SLC24A3: variants seen among roughly 807,000 people sequenced by gnomAD.
SLC24A3 encodes the protein solute carrier family 24 member 3.
Under a neutral mutation model 75.8 loss-of-function variants are expected in SLC24A3, and 28 were observed. The ratio of observed to expected loss-of-function variants is 0.37; its 90% CI spans 0.27 to 0.51. The LOEUF is 0.51. SLC24A3 is among the 20% of genes least tolerant of loss of function. The pLI is 0.94. For synonymous variants in SLC24A3, 372 were observed against 334.1 expected (o/e 1.11, Z -1.24); for missense variants, 663 against 847.8 (o/e 0.78, Z 2.71).
intron 12 of SLC24A3, among the ~76,000 whole-genome samples, chr20:19,688,778 A>G (rs1183485812): frequency 6.6e-6 from 1 of 152,232 alleles, no homozygotes. Flanking sequence ...ATTATTTAGG[A>G]GTATGTGAAT....
chr20:19,342,359 A>G (rs1374912918), intron 2 of SLC24A3, among the ~76,000 whole-genome samples: 3 of 152,348 alleles, frequency 2.0e-5, no homozygotes, highest in South Asian at 2.1e-4. Context: ...GAACAGAACC[A>G]TGGGACCTAT....
intron 1 of SLC24A3, among the ~76,000 whole-genome samples, chr20:19,226,354 A>C (rs1387645982): frequency 6.6e-6 from 1 of 152,162 alleles, no homozygotes; most frequent in Non-Finnish European, 1.5e-5. Flanking sequence ...CTAGGATCAC[A>C]CAAGATACGG....
chr20:19,233,340 A>G (rs562547651), intron 1 of SLC24A3, among the ~76,000 whole-genome samples: 7 of 152,332 alleles, frequency 4.6e-5, no homozygotes, highest in Admixed American at 2.6e-4. Context: ...GATGGCAAGA[A>G]CATCACCCTT....
chr20:19,495,246 G>A (rs1988267003), intron 2 of SLC24A3, among the ~76,000 whole-genome samples: 1 of 152,134 alleles, frequency 6.6e-6, no homozygotes. Context: ...TTTCTGAGCG[G>A]GCACCAACAG....
intron 3 of SLC24A3, among the ~76,000 whole-genome samples, chr20:19,567,255 A>G (rs1375423594): frequency 1.3e-5 from 2 of 152,254 alleles, no homozygotes; most frequent in Admixed American, 1.3e-4. Flanking sequence ...CACAAAAGCA[A>G]AGACATGGAA....
At chr20:19,636,531 G>C (rs544057058) in intron 6 of SLC24A3, among the ~76,000 whole-genome samples, 1 of 152,296 alleles carries the variant, frequency 6.6e-6, no homozygotes, top group East Asian at 1.9e-4. Context: ...CTAACCAGGA[G>C]CCAAGCACAC....
chr20:19,301,781 CA>C (rs1259627008), intron 2 of SLC24A3, among the ~76,000 whole-genome samples: 2 of 152,232 alleles, frequency 1.3e-5, no homozygotes, highest in African/African-American at 4.8e-5. Context: ...CCTTCTGGGC[CA>C]AATGCTTATC....
chr20:19,225,439 C>T (rs1347656523), intron 1 of SLC24A3, among the ~76,000 whole-genome samples: 1 of 152,098 alleles, frequency 6.6e-6, no homozygotes, highest in East Asian at 1.9e-4. Flanking sequence ...CGGTATTTTC[C>T]AAGCATTGTG....
In SLC24A3 at chr20:19,698,743, C is replaced by G. The variant is rs139673987; in HGVS notation, c.1719+63C>G. 34 of 1,268,824 alleles carry G rather than the reference C, an allele frequency of 2.7e-5. 1 individual carries two copies. Among genetic ancestry groups the G allele is most frequent in the African/African-American group, 1.9e-4 (13 of 67,620 alleles). The allele number at this position is 1,268,824 out of a possible 1,614,324, so 78.6% of individuals were successfully genotyped here. Reference sequence around the variant, plus strand: ...GGCTACGTGACTGTGTTTTAACAGCCTTGGCCACAGGGTCTTTGTCTCGGG... The same window carrying G: ...GGCTACGTGACTGTGTTTTAACAGCGTTGGCCACAGGGTCTTTGTCTCGGG... On this transcript the variant is annotated intron_variant, in intron 15 of 16. Coordinates refer to ENST00000328041, the MANE Select transcript of SLC24A3 (RefSeq NM_020689.4).
Position 19,684,312 on chromosome 20 carries a change from G to A in SLC24A3, c.1038G>A (p.Met346Ile). 6.2e-7 allele frequency: 1 copy of A among 1,613,944 alleles called. No homozygotes were observed. Among genetic ancestry groups the A allele is most frequent in the Non-Finnish European group, 8.5e-7 (1 of 1,179,954 alleles). ...SHFPPKTRLS[M>I]ASRMLINERQ... ...TTCCCCCCAAGACCCGGCTCTCCAT[G>A]GCCAGTCGCATGTTGATCAATGAGG... The change falls in exon 11 of 17, where the codon ATG becomes ATA. Residue 346 changes from methionine (M) to isoleucine (I), a missense_variant. Coordinates refer to ENST00000328041, the MANE Select transcript of SLC24A3 (RefSeq NM_020689.4).
chr20:19,360,224 C>G lies in SLC24A3; in HGVS notation c.271+79137C>G, dbSNP rs377262356. Among the ~76,000 whole-genome samples the G allele has an allele frequency of 3.3e-5, 5 of 152,184 alleles. No individual in the cohort carries two copies. In the East Asian group the frequency reaches 9.6e-4, roughly 29 times the overall value. On this transcript the variant is annotated intron_variant, in intron 2 of 16. Coordinates refer to ENST00000328041, the MANE Select transcript of SLC24A3 (RefSeq NM_020689.4). ...ACCATCTTATGTTTGCAGTCAGACA[C>G]GAATGAGAAGGTCTTAACATCTCAA...
chr20:19,308,674 A>C (rs1984384813), intron 2 of SLC24A3, among the ~76,000 whole-genome samples: 1 of 152,258 alleles, frequency 6.6e-6, no homozygotes, highest in South Asian at 2.1e-4. Context: ...GTCATTTGCA[A>C]CTCGGAATGG....
At chr20:19,590,079 G>A (rs1411198290) in intron 6 of SLC24A3, among the ~76,000 whole-genome samples, 2 of 151,918 alleles carry the variant, frequency 1.3e-5, no homozygotes, top group Non-Finnish European at 2.9e-5. Flanking sequence ...CAGCAAAATG[G>A]TGGTAGCCCC....
At chr20:19,335,560 T>C (rs1004517680) in intron 2 of SLC24A3, among the ~76,000 whole-genome samples, 1 of 152,192 alleles carries the variant, frequency 6.6e-6, no homozygotes, top group Admixed American at 6.5e-5. Flanking sequence ...GTAAATATTG[T>C]TGCAAGGGGG....
intron 6 of SLC24A3, among the ~76,000 whole-genome samples, chr20:19,624,121 T>C (rs1315521321): frequency 6.6e-6 from 1 of 152,248 alleles, no homozygotes; most frequent in Non-Finnish European, 1.5e-5. Context: ...TTGCTTTGTC[T>C]GGGTACTTCT....
At position 19,662,836 on chromosome 20, in the gene SLC24A3, C is replaced by A. The variant is rs549302735; in HGVS notation, c.688-3028C>A. Among the ~76,000 whole-genome samples, 574 of 152,304 alleles carry A rather than the reference C, an allele frequency of 3.8e-3. 4 individuals carry two copies. Among genetic ancestry groups the A allele is most frequent in the African/African-American group, 0.013 (520 of 41,564 alleles). On this transcript the variant is annotated intron_variant, in intron 7 of 16. Transcript: ENST00000328041. Reference sequence around the variant, plus strand: ...CTTCAGCAAACTCAAGTGAAAGGAACCTCATCCTTGCCGTTTGTAGAGTTT... The same window carrying A: ...CTTCAGCAAACTCAAGTGAAAGGAAACTCATCCTTGCCGTTTGTAGAGTTT...
intron 1 of SLC24A3, among the ~76,000 whole-genome samples, chr20:19,268,517 G>T (rs765802942): frequency 1.2e-4 from 19 of 152,182 alleles, no homozygotes; most frequent in Non-Finnish European, 2.4e-4. Flanking sequence ...GCTCATTCAT[G>T]CTTTTTAATA....
At chr20:19,651,404 T>C (rs1015544342) in intron 6 of SLC24A3, among the ~76,000 whole-genome samples, 62 of 147,232 alleles carry the variant, frequency 4.2e-4, no homozygotes, top group African/African-American at 1.4e-3. Context: ...TACACACATA[T>C]ATATATATAT....
At position 19,463,173 on chromosome 20, in the gene SLC24A3, G is replaced by A. The variant is rs190488845; in HGVS notation, c.272-52315G>A. On this transcript the variant is annotated intron_variant, in intron 2 of 16. Coordinates refer to ENST00000328041, the MANE Select transcript of SLC24A3 (RefSeq NM_020689.4). ...TGACATTTACCTGTGTGGACCCTTT[G>A]TCTTTATTTACTTAGACTTCTCTTA... Among the ~76,000 whole-genome samples, 329 of 152,274 alleles carry A rather than the reference G, an allele frequency of 2.2e-3. 1 individual carries two copies. Among genetic ancestry groups the A allele is most frequent in the Admixed American group, 4.8e-3 (73 of 15,304 alleles).
Sources: gnomAD v4.1 joint callset for allele counts (sites outside exome capture counted in the v4.1 genomes callset) on GRCh38, gnomAD v4.1.1 for gene constraint, MANE v1.5 for transcripts, NCBI Gene and HGNC (gene_info 2026-07-23, HGNC 2026-07-21) for gene names.